DNAJC9: variants seen among roughly 807,000 people sequenced by gnomAD.
DNAJC9 encodes the protein dnaJ homolog subfamily C member 9.
In DNAJC9, 18 loss-of-function variants were observed where a neutral mutation model predicts 32.4. The observed-to-expected ratio is 0.56, with a 90% CI of 0.38 to 0.82. DNAJC9 has a LOEUF of 0.82. DNAJC9 is among the 40% of genes least tolerant of loss of function. DNAJC9 has a pLI of 0.00. For missense variants in DNAJC9, 310 were observed against 321.8 expected, an observed-to-expected ratio of 0.96 and a Z score of 0.28; for synonymous variants, 113 against 122.1, an observed-to-expected ratio of 0.93 and a Z score of 0.49.
chr10:73,246,929 C>T, intron 1 of DNAJC9, 81 bp downstream of exon 1: 4 of 1,581,820 alleles, frequency 2.5e-6, no homozygotes, highest in Non-Finnish European at 3.4e-6. Flanking sequence ...TCAGCGCGCT[C>T]CCCCGGGGCG....
chr10:73,241,080 G>A, downstream of DNAJC9: 2 of 921,618 alleles, frequency 2.2e-6, no homozygotes, highest in Non-Finnish European at 3.5e-6. Context: ...GCAGTATTCA[G>A]TCATCAAGTG....
At chr10:73,235,046 A>G (rs1450926756), downstream of DNAJC9, 21 of 1,474,874 alleles carry the variant, frequency 1.4e-5, no homozygotes, top group East Asian at 4.2e-4. Flanking sequence ...TGTTTTGTCA[A>G]AAGTACAAAC....
rs1277052686 is a variant in DNAJC9, at chr10:73,242,004, AT to A, written c.*1395del. On this transcript the variant is annotated 3_prime_UTR_variant, in exon 5 of 5. Coordinates refer to ENST00000372950, the MANE Select transcript of DNAJC9 (RefSeq NM_015190.5). ...TAAATTTCACTAAATACAAATCTTGATTGTCATGCCAGTTTTAGATCTTATT... is the reference window on the plus strand; with the variant it reads ...TAAATTTCACTAAATACAAATCTTGATGTCATGCCAGTTTTAGATCTTATT... 6.6e-6 allele frequency: 1 copy of A among 152,198 alleles called. No homozygotes were observed. The highest frequency in any genetic ancestry group is 1.5e-5 in the Non-Finnish European group (1 of 68,026). 9.4% of individuals were successfully genotyped at this position (152,198 alleles called of 1,614,324 possible). A position where few individuals can be genotyped will look rare whatever the true frequency, so the allele number is the denominator to read the frequency against.
rs1589204038 is a variant in DNAJC9, at chr10:73,243,166, C to T, written c.*234G>A. ...AAGGACACTGCCTCCCTCCACCCTCCCAAATGTCACCACCAAGTTCCTTCA... is the reference window on the plus strand; with the variant it reads ...AAGGACACTGCCTCCCTCCACCCTCTCAAATGTCACCACCAAGTTCCTTCA... On this transcript the variant is annotated 3_prime_UTR_variant, in exon 5 of 5. Coordinates refer to ENST00000372950, the MANE Select transcript of DNAJC9 (RefSeq NM_015190.5). The T allele has an allele frequency of 2.1e-6, 1 of 481,316 alleles. No homozygotes were observed. The highest frequency in any genetic ancestry group is 4.1e-5 in the East Asian group (1 of 24,554). The allele number at this position is 481,316 out of a possible 1,614,324, so 29.8% of individuals were successfully genotyped here.
chr10:73,236,570 C>T (rs920687163), downstream of DNAJC9, among the ~76,000 whole-genome samples: 9 of 151,736 alleles, frequency 5.9e-5, no homozygotes, highest in Non-Finnish European at 1.0e-4. Context: ...CCTGCCACCA[C>T]GCCCAGCTAA....
At chr10:73,233,081 C>T (rs376018524) in intron 2 of DNAJC9, 59 of 1,551,598 alleles carry the variant, frequency 3.8e-5, no homozygotes, top group African/African-American at 5.5e-5. Context: ...TCCACCACCA[C>T]GAACTCTTCA....
At chr10:73,235,539 G>T, downstream of DNAJC9, 1 of 1,037,526 alleles carries the variant, frequency 9.6e-7, no homozygotes, top group Non-Finnish European at 1.3e-6. Flanking sequence ...AATATTCTAA[G>T]CAATTTAACA....
At chr10:73,243,982 C>T in intron 3 of DNAJC9, 53 bp from the exon 4 acceptor site, 1 of 1,440,544 alleles carries the variant, frequency 6.9e-7, no homozygotes, top group Non-Finnish European at 9.7e-7. Context: ...GCTTAAAATA[C>T]ATACTCTTTC....
At chr10:73,246,584 T>A (rs2044012713) in intron 2 of DNAJC9, 104 bp downstream of exon 2, 1 of 1,372,478 alleles carries the variant, frequency 7.3e-7, no homozygotes, top group Non-Finnish European at 1.0e-6. Flanking sequence ...AAATTCCTAA[T>A]TCCTACAAAA....
Position 73,245,170 on chromosome 10 carries a change from G to A in DNAJC9, c.576+752C>T, listed in dbSNP as rs192864168. 3.9e-5 allele frequency among the ~76,000 whole-genome samples: 6 copies of A among 152,156 alleles called. No homozygotes were observed. The East Asian group carries it at 1.2e-3, about 29-fold the overall frequency. ...GCAGCCTCTTATCTAGGCAAAACAG[G>A]CCCTTCAAATTTTCACCGGAAACAA... On this transcript the variant is annotated intron_variant, in intron 3 of 4. Transcript: ENST00000372950.
rs1168017034 is a variant in DNAJC9 at position 73,233,154 on chromosome 10, G to A, written n.147+10689C>T. 20 of 1,549,864 alleles carry A rather than the reference G, an allele frequency of 1.3e-5. No individual in the cohort carries two copies. The highest frequency in any genetic ancestry group is 2.7e-5 in the African/African-American group (2 of 72,992). On this transcript the variant is annotated intron_variant and non_coding_transcript_variant, in intron 2 of 2. Transcript: ENST00000469143. Reference sequence around the variant, plus strand: ...AGATCTGTGGAAGAAATCCTCAGAGGAGCCCGAGTGTAGGTTTCAAAAGCA... The same window carrying A: ...AGATCTGTGGAAGAAATCCTCAGAGAAGCCCGAGTGTAGGTTTCAAAAGCA...
intron 2 of DNAJC9, among the ~76,000 whole-genome samples, chr10:73,233,583 A>G (rs1227670042): frequency 6.6e-6 from 1 of 152,158 alleles, no homozygotes; most frequent in Non-Finnish European, 1.5e-5. Context: ...AGCTCAAGCA[A>G]TCTGCCTGCC....
downstream of DNAJC9, among the ~76,000 whole-genome samples, chr10:73,236,413 C>CTTT (rs571460371): frequency 6.0e-5 from 8 of 133,296 alleles, no homozygotes; most frequent in African/African-American, 1.7e-4. Flanking sequence ...CAATTTCTGC[C>CTTT]TTTTTTTTTT....
chr10:73,243,224 A>G lies in DNAJC9; in HGVS notation c.*176T>C. On this transcript the variant is annotated 3_prime_UTR_variant, in exon 5 of 5. Coordinates refer to ENST00000372950, the MANE Select transcript of DNAJC9 (RefSeq NM_015190.5). Reference sequence around the variant, plus strand: ...CCTCACACAATGTCAAGTGCTTTCTAGGAAATACTAAGATCAGGTTGAGAG... The same window carrying G: ...CCTCACACAATGTCAAGTGCTTTCTGGGAAATACTAAGATCAGGTTGAGAG... 1.5e-6 allele frequency: 1 copy of G among 654,880 alleles called. No individual in the cohort carries two copies. Among genetic ancestry groups the G allele is most frequent in the Non-Finnish European group, 2.6e-6 (1 of 389,260 alleles). 40.6% of individuals were successfully genotyped at this position (654,880 alleles called of 1,614,324 possible).
chr10:73,232,856 T>G, intron 2 of DNAJC9: 1 of 819,288 alleles, frequency 1.2e-6, no homozygotes, highest in Non-Finnish European at 2.0e-6. Context: ...TAGTTTCTAG[T>G]CTAAGGCTTT....
At chr10:73,246,308 T>A (rs541694620) in intron 2 of DNAJC9, 132 bp from the exon 3 acceptor site, 3 of 986,406 alleles carry the variant, frequency 3.0e-6, no homozygotes, top group East Asian at 2.6e-5. Flanking sequence ...TGAACCAGAT[T>A]TTCTATGCCT....
intron 3 of DNAJC9, among the ~76,000 whole-genome samples, chr10:73,245,379 A>G (rs1008069275): frequency 2.2e-5 from 3 of 133,790 alleles, no homozygotes; most frequent in Non-Finnish European, 4.7e-5. Context: ...CTGTCACTGG[A>G]AAAACTGTCT....
downstream of DNAJC9, chr10:73,235,595 A>C: frequency 4.2e-6 from 2 of 474,528 alleles, no homozygotes; most frequent in South Asian, 2.7e-5. Flanking sequence ...ATCCCAGTAC[A>C]CATCAGATAA....
At chr10:73,236,725 C>CT (rs112151486), downstream of DNAJC9, among the ~76,000 whole-genome samples, 14,541 of 135,762 alleles carry the variant, frequency 0.11, 1,083 homozygotes, top group East Asian at 0.31. Flanking sequence ...TTTTTCTTTT[C>CT]TTTTTTTTTT....
Sources: gnomAD v4.1 joint callset for allele counts (sites outside exome capture counted in the v4.1 genomes callset) on GRCh38, gnomAD v4.1.1 for gene constraint, MANE v1.5 for transcripts, NCBI Gene and HGNC (gene_info 2026-07-23, HGNC 2026-07-21) for gene names.